Variants in RABL2A observed in about 807,000 individuals in gnomAD.
RABL2A encodes RAB, member of RAS oncogene family like 2A.
A neutral mutation model predicts 30.7 loss-of-function variants in RABL2A; 17 were observed. That is an observed-to-expected ratio of 0.55 (90% CI 0.38 to 0.83). The LOEUF (loss-of-function observed/expected upper bound fraction) is 0.83. Ranked by LOEUF, RABL2A falls within the 40% of genes least tolerant of loss-of-function variation. The pLI, the probability that RABL2A is intolerant of heterozygous loss-of-function variation, is 0.00. For synonymous variants in RABL2A, 64 were observed against 101.8 expected (o/e 0.63, Z 2.24); for missense variants, 155 against 272.6 (o/e 0.57, Z 3.04).
chr2:113,641,433 G>A lies in RABL2A; in HGVS notation c.490G>A (p.Gly164Ser). The change falls in exon 7 of 9, where the codon GGT (glycine) becomes AGT (serine). Residue 164 changes from glycine (G) to serine (S), a missense_variant. Gly to Ser is a moderately conservative substitution (Grantham distance 56). Transcript: ENST00000683472. ...LPLYFVSAAD[G>S]TNVVKLFNDA... ...CCTGTATTTCGTCTCGGCTGCTGAT[G>A]GTACCAATGTTGTGAAGGTGTGGTT... 2 of 1,612,138 alleles carry A rather than the reference G, an allele frequency of 1.2e-6. No individual in the cohort carries two copies. The highest frequency in any genetic ancestry group is 1.7e-6 in the Non-Finnish European group (2 of 1,179,406).
At chr2:113,635,599 C>T (rs932901342) in intron 5 of RABL2A, 31 of 254,590 alleles carry the variant, frequency 1.2e-4, no homozygotes, top group Non-Finnish European at 2.0e-4. Context: ...TTGCCCGGGA[C>T]GCAGTCCTCA....
In RABL2A at chr2:113,640,908, G is replaced by A; in HGVS notation, c.312G>A (p.Gln104=). 6.2e-7 allele frequency: 1 copy of A among 1,613,916 alleles called. No individual in the cohort carries two copies. Among genetic ancestry groups the A allele is most frequent in the South Asian group, 1.1e-5 (1 of 91,068 alleles). ...AHACIMVFDI[Q]RKVTYRNLST... ...GCCCTTTGCAGGTGTTTGATATACA[G>A]AGGAAAGTCACCTATAGGAACCTGA... Residue 104 remains glutamine, a synonymous_variant, in exon 6 of 9, where the codon CAG becomes CAA. Coordinates refer to ENST00000683472, the MANE Select transcript of RABL2A (RefSeq NM_001306158.2).
chr2:113,630,889 GT>G (rs200505384), intron 2 of RABL2A, among the ~76,000 whole-genome samples: 1 of 151,690 alleles, frequency 6.6e-6, no homozygotes, highest in Admixed American at 6.6e-5. Context: ...AAGACATGGT[GT>G]TTTTTTGTTT....
At chr2:113,631,302 G>C in intron 2 of RABL2A, among the ~76,000 whole-genome samples, 1 of 152,038 alleles carries the variant, frequency 6.6e-6, no homozygotes, top group Non-Finnish European at 1.5e-5. Flanking sequence ...TTCCATTACC[G>C]TTAATGATTG....
intron 5 of RABL2A, among the ~76,000 whole-genome samples, chr2:113,636,844 C>T (rs1430060640): frequency 6.6e-6 from 1 of 152,008 alleles, no homozygotes; most frequent in African/African-American, 2.4e-5. Context: ...AAAAAATTAG[C>T]CGGGCGTGGT....
intron 3 of RABL2A, chr2:113,633,634 A>C (rs2592669): frequency 5.1e-6 from 1 of 197,656 alleles, no homozygotes; most frequent in African/African-American, 2.3e-5. Flanking sequence ...TACACTGTCC[A>C]GCTTCTTGCA....
intron 5 of RABL2A, chr2:113,637,564 G>T: frequency 4.1e-6 from 5 of 1,206,934 alleles, no homozygotes; most frequent in Non-Finnish European, 5.3e-6. Context: ...GTAAAGGAAG[G>T]AACTCGTCAC....
intron 7 of RABL2A, 55 bp downstream of exon 7, chr2:113,641,505 A>C (rs1208527202): frequency 6.2e-6 from 10 of 1,611,614 alleles, no homozygotes; most frequent in Non-Finnish European, 8.5e-6. Flanking sequence ...TGGTAAAGGG[A>C]AGCTGTGAAG....
intron 5 of RABL2A, 58 bp downstream of exon 5, chr2:113,635,188 G>C (rs1574026919): frequency 4.5e-6 from 7 of 1,561,560 alleles, no homozygotes; most frequent in African/African-American, 4.1e-5. Context: ...TGAGGGGTGA[G>C]GGGCCTAGCA....
intron 3 of RABL2A, chr2:113,633,285 T>A (rs1681146877): frequency 5.9e-5 from 24 of 403,544 alleles, no homozygotes; most frequent in South Asian, 5.5e-4. Flanking sequence ...TCATTTAACC[T>A]CTCTAACCTC....
intron 2 of RABL2A, among the ~76,000 whole-genome samples, chr2:113,631,305 A>AATGGAACG (rs1680240655): frequency 6.6e-6 from 1 of 152,082 alleles, no homozygotes; most frequent in Non-Finnish European, 1.5e-5. Flanking sequence ...CATTACCGTT[A>AATGGAACG]ATGATTGCCT....
Position 113,642,575 on chromosome 2 carries a change from C to A in RABL2A, c.*446C>A, listed in dbSNP as rs1685576001. 2 of 232,742 alleles carry A rather than the reference C, an allele frequency of 8.6e-6. No homozygotes were observed. Among genetic ancestry groups the A allele is most frequent in the South Asian group, 5.3e-5 (1 of 18,788 alleles). The allele number at this position is 232,742 out of a possible 1,614,324, so 14.4% of individuals were successfully genotyped here. A position where few individuals can be genotyped will look rare whatever the true frequency, so the allele number is the denominator to read the frequency against. On this transcript the variant is annotated 3_prime_UTR_variant, in exon 9 of 9. Coordinates refer to ENST00000683472, the MANE Select transcript of RABL2A (RefSeq NM_001306158.2). ...CCCACCCACAGCTGAGTCTGTGAGG[C>A]CCCATCCTTTCCCTACGTTTTCTCC...
rs190380835 is a variant in RABL2A at position 113,635,703 on chromosome 2, G to A, written c.297+573G>A. Among the ~76,000 whole-genome samples the A allele has an allele frequency of 2.9e-3, 446 of 152,366 alleles. 1 individual carries two copies. Among genetic ancestry groups the A allele is most frequent in the Admixed American group, 4.9e-3 (75 of 15,308 alleles). On this transcript the variant is annotated intron_variant, in intron 5 of 8. Coordinates refer to ENST00000683472, the MANE Select transcript of RABL2A (RefSeq NM_001306158.2). ...GGCTGAGAAAGGAGAAAGGAGCTCT[G>A]TAAACCTGTGTCCTATAGAAGTTCC...
intron 2 of RABL2A, among the ~76,000 whole-genome samples, chr2:113,632,477 A>G (rs1680754761): frequency 1.3e-5 from 2 of 152,228 alleles, no homozygotes; most frequent in Non-Finnish European, 2.9e-5. Flanking sequence ...TTGTATCTTT[A>G]GTGGAGACAA....
intron 5 of RABL2A, chr2:113,638,218 A>C (rs1683674686): frequency 1.0e-6 from 1 of 985,354 alleles, no homozygotes; most frequent in Non-Finnish European, 1.2e-6. Flanking sequence ...GATTCATTGA[A>C]ATTTGCCTGT....
chr2:113,638,171 A>T lies in RABL2A; in HGVS notation c.298-2723A>T, dbSNP rs1012596634. On this transcript the variant is annotated intron_variant, in intron 5 of 8. Coordinates refer to ENST00000683472, the MANE Select transcript of RABL2A (RefSeq NM_001306158.2). ...AGAAGTTTAGTTACAGACATCCTTT[A>T]TAAGGAGACTTCATCGGGAATTCAA... 5.6e-5 allele frequency: 55 copies of T among 985,308 alleles called. No individual in the cohort carries two copies. In the African/African-American group the frequency reaches 8.4e-4, roughly 15 times the overall value. The allele number at this position is 985,308 out of a possible 1,614,324, so 61.0% of individuals were successfully genotyped here.
intron 5 of RABL2A, among the ~76,000 whole-genome samples, chr2:113,635,975 G>A (rs1682533054): frequency 6.6e-6 from 1 of 151,308 alleles, no homozygotes. Flanking sequence ...GGGCATGGTG[G>A]CGGGTGCCTG....
chr2:113,638,131 T>C (rs1683643184), intron 5 of RABL2A: 1 of 985,290 alleles, frequency 1.0e-6, no homozygotes, highest in Non-Finnish European at 1.2e-6. Flanking sequence ...CTGAGCCTGG[T>C]GTGAGGCAGA....
intron 5 of RABL2A, among the ~76,000 whole-genome samples, chr2:113,639,730 C>T (rs543652815): frequency 6.6e-6 from 1 of 152,018 alleles, no homozygotes; most frequent in African/African-American, 2.4e-5. Flanking sequence ...GTGGCGCACA[C>T]CTGTAGTCCC....
Sources: allele counts gnomAD v4.1 joint callset (sites outside exome capture counted in the v4.1 genomes callset), GRCh38; gene constraint gnomAD v4.1.1; transcripts MANE v1.5; gene names NCBI Gene and HGNC (gene_info 2026-07-23, HGNC 2026-07-21).